The following LUZP2 variants were observed in gnomAD, a reference collection of about 807,000 sequenced individuals.
LUZP2 encodes leucine zipper protein 2.
Under a neutral mutation model 51.6 loss-of-function variants are expected in LUZP2, and 52 were observed. That is an observed-to-expected ratio of 1.01 (90% confidence interval 0.81 to 1.27). LUZP2 has a LOEUF of 1.27. LUZP2 is among the 50% of genes most tolerant of loss of function. The probability of loss-of-function intolerance (pLI) is 0.00; values close to 1 mark genes in which losing one functional copy is unlikely to be tolerated. For synonymous variants in LUZP2, 154 were observed against 137.3 expected (o/e 1.12, Z -0.85); for missense variants, 436 against 395.4 (o/e 1.10, Z -0.87).
chr11:24,673,245 T>C (rs150732654), intron 1 of LUZP2, among the ~76,000 whole-genome samples: 25 of 152,298 alleles, frequency 1.6e-4, no homozygotes, highest in African/African-American at 5.8e-4. Flanking sequence ...AGAAATACAG[T>C]ATTATAATAT....
At chr11:24,779,755 A>C (rs183644119) in intron 5 of LUZP2, among the ~76,000 whole-genome samples, 1 of 152,306 alleles carries the variant, frequency 6.6e-6, no homozygotes, top group African/African-American at 2.4e-5. Flanking sequence ...AGGTGATGAG[A>C]TTATCCTGGA....
intron 1 of LUZP2, among the ~76,000 whole-genome samples, chr11:24,566,137 A>G (rs934174378): frequency 3.2e-4 from 49 of 151,870 alleles, no homozygotes; most frequent in African/African-American, 1.2e-3. Context: ...CTGTTTTTCA[A>G]GGGGCCTAAA....
intron 1 of LUZP2, among the ~76,000 whole-genome samples, chr11:24,551,348 T>C (rs1851718702): frequency 6.6e-6 from 1 of 152,014 alleles, no homozygotes; most frequent in Non-Finnish European, 1.5e-5. Context: ...GAAGACAATA[T>C]ATTGTATTAT....
At chr11:24,914,698 T>TGGA (rs955409078) in intron 7 of LUZP2, among the ~76,000 whole-genome samples, 160 bp downstream of exon 7, 55 of 152,280 alleles carry the variant, frequency 3.6e-4, no homozygotes, top group African/African-American at 1.3e-3. Flanking sequence ...ACTTAATTAA[T>TGGA]GGAGATAAGT....
chr11:24,806,748 T>C (rs982134477), intron 5 of LUZP2, among the ~76,000 whole-genome samples: 37 of 152,040 alleles, frequency 2.4e-4, no homozygotes, highest in African/African-American at 8.0e-4. Context: ...TATTTTTGTT[T>C]CCTGAAACAA....
chr11:24,780,321 C>T (rs980352504), intron 5 of LUZP2, among the ~76,000 whole-genome samples: 1 of 152,036 alleles, frequency 6.6e-6, no homozygotes. Context: ...TTATCTTCAA[C>T]CATTATTTAT....
intron 7 of LUZP2, among the ~76,000 whole-genome samples, chr11:24,917,667 G>A (rs1853837911): frequency 1.3e-5 from 2 of 151,850 alleles, no homozygotes; most frequent in African/African-American, 2.4e-5. Context: ...TTATTTCTGA[G>A]GGCTCTGTTC....
chr11:25,073,705 C>T (rs1442451589), intron 10 of LUZP2, among the ~76,000 whole-genome samples: 1 of 152,098 alleles, frequency 6.6e-6, no homozygotes, highest in East Asian at 1.9e-4. Flanking sequence ...TTCTCTCTAC[C>T]TTTCCTCTTA....
chr11:24,832,113 A>G (rs1195724033), intron 5 of LUZP2: 2 of 152,270 alleles, frequency 1.3e-5, no homozygotes, highest in African/African-American at 4.8e-5. Context: ...AATTGGATAT[A>G]ATAAAGCAGG....
chr11:24,770,855 C>G (rs769381915), intron 5 of LUZP2, among the ~76,000 whole-genome samples: 1 of 152,142 alleles, frequency 6.6e-6, no homozygotes, highest in Non-Finnish European at 1.5e-5. Flanking sequence ...AAAAACTCTA[C>G]AAACACACCA....
intron 1 of LUZP2, among the ~76,000 whole-genome samples, chr11:24,726,871 A>G (rs1161346099): frequency 6.6e-6 from 1 of 152,206 alleles, no homozygotes; most frequent in Non-Finnish European, 1.5e-5. Flanking sequence ...AGAAAATCCA[A>G]TAAAATGTTA....
chr11:24,963,961 A>G (rs561776260), intron 7 of LUZP2, among the ~76,000 whole-genome samples: 2 of 152,358 alleles, frequency 1.3e-5, no homozygotes, highest in African/African-American at 4.8e-5. Flanking sequence ...TATTGCTGCA[A>G]TAAACATGGG....
intron 9 of LUZP2, among the ~76,000 whole-genome samples, chr11:24,989,383 T>C (rs1396655942): frequency 6.6e-6 from 1 of 152,086 alleles, no homozygotes; most frequent in Non-Finnish European, 1.5e-5. Context: ...AGTTTCTTGC[T>C]AAACTATGGC....
chr11:24,655,351 T>C (rs1005067539), intron 1 of LUZP2, among the ~76,000 whole-genome samples: 2 of 152,168 alleles, frequency 1.3e-5, no homozygotes, highest in Non-Finnish European at 2.9e-5. Context: ...CCTGATGTAG[T>C]GATATCAAGA....
chr11:24,958,699 G>A lies in LUZP2; in HGVS notation c.523-17892G>A, dbSNP rs1039754573. On this transcript the variant is annotated intron_variant, in intron 7 of 11. Coordinates refer to ENST00000336930, the MANE Select transcript of LUZP2 (RefSeq NM_001009909.4). ...TTGTGAAAATTTTCTCCCATTTTGT[G>A]GGTTGCCTGTTCACTCTGATGTTAG... 1.2e-4 allele frequency among the ~76,000 whole-genome samples: 18 copies of A among 152,030 alleles called. No individual in the cohort carries two copies. The South Asian group carries it at 1.5e-3, about 12-fold the overall frequency.
intron 1 of LUZP2, among the ~76,000 whole-genome samples, chr11:24,547,989 A>G (rs971255905): frequency 1.3e-5 from 2 of 152,138 alleles, no homozygotes; most frequent in Non-Finnish European, 2.9e-5. Context: ...GCAAATTAAT[A>G]CCACAATGAG....
At chr11:24,554,130 A>G (rs534411267) in intron 1 of LUZP2, among the ~76,000 whole-genome samples, 9 of 152,316 alleles carry the variant, frequency 5.9e-5, no homozygotes, top group African/African-American at 1.7e-4. Flanking sequence ...CTACGGTGCT[A>G]AGAGAGAAGA....
intron 5 of LUZP2, among the ~76,000 whole-genome samples, chr11:24,803,996 G>GGAA (rs762515189): frequency 1.9e-5 from 2 of 106,076 alleles, no homozygotes; most frequent in South Asian, 3.1e-4. Context: ...TGCCATAAAG[G>GGAA]AAAAAAAAAA....
chr11:25,072,101 C>G (rs1859175610), intron 10 of LUZP2, among the ~76,000 whole-genome samples: 1 of 151,940 alleles, frequency 6.6e-6, no homozygotes, highest in African/African-American at 2.4e-5. Flanking sequence ...CAGAACTTCC[C>G]CTGATAGATA....
Sources: allele counts gnomAD v4.1 joint callset (sites outside exome capture counted in the v4.1 genomes callset), GRCh38; gene constraint gnomAD v4.1.1; transcripts MANE v1.5; gene names NCBI Gene and HGNC (gene_info 2026-07-23, HGNC 2026-07-21).